Variants in EML4 observed in about 807,000 individuals in gnomAD.
EML4 encodes echinoderm microtubule-associated protein-like 4.
EML4 carries 72 observed loss-of-function variants against 129.0 expected under a neutral mutation model. That is an observed-to-expected ratio of 0.56 (90% confidence interval 0.46 to 0.68). The LOEUF is 0.68. Among genes scored for constraint, EML4 ranks in the 30% least tolerant of loss-of-function variants. EML4 has a pLI of 0.00. For synonymous variants in EML4, 532 were observed against 405.0 expected (o/e 1.31, Z -3.77); for missense variants, 1,363 against 1,190.6 (o/e 1.14, Z -2.13).
At chr2:42,282,730 T>G in intron 7 of EML4, 93 bp from the exon 8 acceptor site, 3 of 1,134,064 alleles carry the variant, frequency 2.6e-6, no homozygotes, top group East Asian at 2.4e-5. Context: ...GTCTTCTTCA[T>G]TGTACCTTCC....
chr2:42,282,808 T>C lies in EML4; in HGVS notation c.792-15T>C, dbSNP rs1225793161. 1 of 1,606,516 alleles carries C rather than the reference T, an allele frequency of 6.2e-7. No individual in the cohort carries two copies. ...AACTGTGTTTATTTAAAACCTTGAC[T>C]CTTTTTCTGTTAAGATATGGTTATC... On this transcript the variant is annotated splice_polypyrimidine_tract_variant and intron_variant, in intron 7 of 22. Coordinates refer to ENST00000318522, the MANE Select transcript of EML4 (RefSeq NM_019063.5).
At position 42,174,577 on chromosome 2, in the gene EML4, G is replaced by A. The variant is rs746325191; in HGVS notation, c.25+4941G>A. Reference sequence around the variant, plus strand: ...CAAAGTTCTGGGATTACAGGTGTGAGCCACTGTGCCTGACCCTGTAGTATA... The same window carrying A: ...CAAAGTTCTGGGATTACAGGTGTGAACCACTGTGCCTGACCCTGTAGTATA... On this transcript the variant is annotated intron_variant, in intron 1 of 22. Transcript: ENST00000318522. Among the ~76,000 whole-genome samples, 18 of 152,136 alleles carry A rather than the reference G, an allele frequency of 1.2e-4. No homozygotes were observed. The South Asian group carries it at 1.7e-3, about 14-fold the overall frequency.
chr2:42,195,910 G>C (rs1671871886), intron 1 of EML4, among the ~76,000 whole-genome samples: 2 of 152,142 alleles, frequency 1.3e-5, no homozygotes, highest in South Asian at 4.1e-4. Context: ...GGAACCTAGT[G>C]CTTCATTAAC....
chr2:42,196,635 G>A (rs1671911531), intron 1 of EML4, among the ~76,000 whole-genome samples: 1 of 152,178 alleles, frequency 6.6e-6, no homozygotes, highest in Non-Finnish European at 1.5e-5. Flanking sequence ...CTAGTTATCA[G>A]CGAAACAAAG....
chr2:42,208,088 A>C (rs142869434), intron 1 of EML4: 2 of 152,224 alleles, frequency 1.3e-5, no homozygotes, highest in South Asian at 4.1e-4. Flanking sequence ...GACAGGTACA[A>C]ATTACATTTG....
intron 17 of EML4, among the ~76,000 whole-genome samples, chr2:42,305,080 C>T (rs531784319): frequency 7.2e-5 from 11 of 152,090 alleles, no homozygotes; most frequent in African/African-American, 2.2e-4. Context: ...TGTGCCACTG[C>T]GCTCCAGCAT....
intron 11 of EML4, among the ~76,000 whole-genome samples, chr2:42,292,251 G>A (rs563912170): frequency 2.0e-4 from 31 of 152,316 alleles, no homozygotes; most frequent in Non-Finnish European, 3.4e-4. Flanking sequence ...ATAACCTAAA[G>A]TCGAACATAT....
At chr2:42,260,012 G>C (rs1665623877) in intron 3 of EML4, among the ~76,000 whole-genome samples, 1 of 151,304 alleles carries the variant, frequency 6.6e-6, no homozygotes, top group Admixed American at 6.6e-5. Context: ...TTACAGGCGT[G>C]AGCCACTGTG....
chr2:42,285,350 G>A (rs538323011), intron 9 of EML4, among the ~76,000 whole-genome samples: 5 of 152,122 alleles, frequency 3.3e-5, no homozygotes, highest in Non-Finnish European at 7.4e-5. Context: ...ACTGAGTAAC[G>A]TATGTATGAC....
At chr2:42,279,458 C>G (rs868424646) in intron 6 of EML4, among the ~76,000 whole-genome samples, 1 of 151,020 alleles carries the variant, frequency 6.6e-6, no homozygotes, top group Admixed American at 6.6e-5. Context: ...CAACACTTGC[C>G]GTCTTTTTTT....
intron 13 of EML4, among the ~76,000 whole-genome samples, chr2:42,297,547 C>T (rs555729467): frequency 6.6e-6 from 1 of 152,236 alleles, no homozygotes; most frequent in Non-Finnish European, 1.5e-5. Context: ...CATGACTAAC[C>T]CTATTATGGG....
At chr2:42,189,173 C>T (rs1481449660) in intron 1 of EML4, among the ~76,000 whole-genome samples, 1 of 152,112 alleles carries the variant, frequency 6.6e-6, no homozygotes. Flanking sequence ...AACCACGAGC[C>T]TTATTTTTAA....
rs552777748 is a variant in EML4, at chr2:42,226,964, G to A, written c.26-18541G>A. Among the ~76,000 whole-genome samples, 5 of 152,242 alleles carry A rather than the reference G, an allele frequency of 3.3e-5. No homozygotes were observed. In the East Asian group the frequency reaches 7.7e-4, roughly 23 times the overall value. On this transcript the variant is annotated intron_variant, in intron 1 of 22. Transcript: ENST00000318522. ...TATATAAATTTTGATTATAGTAGCA[G>A]TATCCCACAAAATTTCCATGAAATT...
chr2:42,323,229 A>C (rs949414186), intron 19 of EML4, among the ~76,000 whole-genome samples: 2 of 152,184 alleles, frequency 1.3e-5, no homozygotes, highest in South Asian at 4.1e-4. Flanking sequence ...TTTTAATTTC[A>C]GAAGCATGGC....
intron 1 of EML4, among the ~76,000 whole-genome samples, chr2:42,237,315 C>A (rs1674740752): frequency 6.6e-6 from 1 of 152,106 alleles, no homozygotes; most frequent in Non-Finnish European, 1.5e-5. Flanking sequence ...TTTATTATGT[C>A]TTTTGGAGAC....
At chr2:42,172,164 A>G (rs150927738) in intron 1 of EML4, among the ~76,000 whole-genome samples, 1 of 152,092 alleles carries the variant, frequency 6.6e-6, no homozygotes, top group Non-Finnish European at 1.5e-5. Context: ...CCTTTTACAT[A>G]TTAGATAGAT....
At chr2:42,323,934 ACT>A (rs1400331480) in intron 19 of EML4, among the ~76,000 whole-genome samples, 1 of 148,482 alleles carries the variant, frequency 6.7e-6, no homozygotes, top group Non-Finnish European at 1.5e-5. Flanking sequence ...AACGAGTGAG[ACT>A]CTGTCTCAAT....
intron 1 of EML4, among the ~76,000 whole-genome samples, chr2:42,172,884 G>A (rs1490746838): frequency 1.3e-5 from 2 of 152,132 alleles, no homozygotes; most frequent in African/African-American, 2.4e-5. Context: ...CATAATAGAG[G>A]TTTAATTTTA....
chr2:42,215,468 A>C (rs932760402), intron 1 of EML4, among the ~76,000 whole-genome samples: 1 of 152,158 alleles, frequency 6.6e-6, no homozygotes, highest in Non-Finnish European at 1.5e-5. Context: ...GTACTCTGCA[A>C]ATTTATTTCA....
Sources: gnomAD v4.1 joint callset for allele counts (sites outside exome capture counted in the v4.1 genomes callset) on GRCh38, gnomAD v4.1.1 for gene constraint, MANE v1.5 for transcripts, NCBI Gene and HGNC (gene_info 2026-07-23, HGNC 2026-07-21) for gene names.